TERB1: variants seen among roughly 807,000 people sequenced by gnomAD.
The protein encoded by TERB1 is telomere repeat binding bouquet formation protein 1.
TERB1 carries 63 observed loss-of-function variants against 92.3 expected under a neutral mutation model. The ratio of observed to expected loss-of-function variants is 0.68; its 90% CI spans 0.56 to 0.84. The LOEUF (loss-of-function observed/expected upper bound fraction) is 0.84, where lower values mean the gene tolerates loss of function less well. Among genes scored for constraint, TERB1 ranks in the 40% least tolerant of loss-of-function variants. The pLI is 0.00. For synonymous variants in TERB1, 252 were observed against 283.9 expected, an observed-to-expected ratio of 0.89 and a Z score of 1.13; for missense variants, 709 against 843.7, an observed-to-expected ratio of 0.84 and a Z score of 1.98.
intron 11 of TERB1, 120 bp downstream of exon 11, chr16:66,777,083 G>T: frequency 2.2e-6 from 2 of 929,908 alleles, no homozygotes; most frequent in Non-Finnish European, 3.1e-6. Flanking sequence ...TTTGAGGTCT[G>T]AATGACTAGG....
chr16:66,775,388 C>T (rs1343672664), intron 11 of TERB1, 145 bp from the exon 12 acceptor site: 2 of 657,572 alleles, frequency 3.0e-6, no homozygotes, highest in East Asian at 3.0e-5. Context: ...AATCCCAGCA[C>T]TTTGGGAGGC....
At position 66,788,200 on chromosome 16, in the gene TERB1, AAC is replaced by A. The variant is rs1483353843; in HGVS notation, c.367_368del (p.Val123LeufsTer10). The A allele has an allele frequency of 1.0e-5, 15 of 1,501,254 alleles. No individual in the cohort carries two copies. Among genetic ancestry groups the A allele is most frequent in the Non-Finnish European group, 1.3e-5 (15 of 1,122,616 alleles). 93.0% of individuals were successfully genotyped at this position (1,501,254 alleles called of 1,614,324 possible). On this transcript the variant is annotated frameshift_variant, in exon 6 of 19. Coordinates refer to ENST00000433154, the MANE Select transcript of TERB1 (RefSeq NM_001136505.2). LOFTEE classifies it high-confidence loss of function. ...DSNINLKRMS[V>X]YVILVLVSNN... ...TTGAAACCAGAACCAAAATAACATA[AAC>A]AGACATTCTTTTCAAATTTATGTTT...
intron 12 of TERB1, among the ~76,000 whole-genome samples, chr16:66,773,309 T>G (rs9929734): frequency 0.51 from 76,978 of 151,986 alleles, 20,375 homozygotes; most frequent in African/African-American, 0.64. Context: ...ACTCCAGCCC[T>G]GGCGACAGAG....
At chr16:66,780,622 T>C (rs1033084155) in intron 9 of TERB1, among the ~76,000 whole-genome samples, 4 of 151,682 alleles carry the variant, frequency 2.6e-5, no homozygotes, top group African/African-American at 9.7e-5. Flanking sequence ...TGGCAGTGTG[T>C]TACCACAGAT....
Position 66,777,083 on chromosome 16 carries a change from G to A in TERB1, c.985+120C>T, listed in dbSNP as rs1015097559. 1.6e-5 allele frequency: 15 copies of A among 929,790 alleles called. No individual in the cohort carries two copies. The African/African-American group carries it at 2.3e-4, about 14-fold the overall frequency. The allele number at this position is 929,790 out of a possible 1,614,324, so 57.6% of individuals were successfully genotyped here. A position where few individuals can be genotyped will look rare whatever the true frequency, so the allele number is the denominator to read the frequency against. On this transcript the variant is annotated intron_variant, in intron 11 of 18. Transcript: ENST00000433154. ...AGCTGAAATGACTAGTTTGAGGTCT[G>A]AATGACTAGGAGAAAAGCAATACTT... is the stretch of plus-strand genomic sequence containing the variant.
intron 16 of TERB1, among the ~76,000 whole-genome samples, chr16:66,766,151 G>A (rs1368669838): frequency 6.6e-6 from 1 of 151,920 alleles, no homozygotes; most frequent in African/African-American, 2.4e-5. Context: ...GATTACAGGC[G>A]TGAGCCACCG....
At chr16:66,757,832 T>C (rs528467309) in intron 18 of TERB1, among the ~76,000 whole-genome samples, 1 of 152,346 alleles carries the variant, frequency 6.6e-6, no homozygotes, top group East Asian at 1.9e-4. Context: ...AAGTTTCTGA[T>C]ACATCGGAAA....
At position 66,762,234 on chromosome 16, in the gene TERB1, T is replaced by A. The variant is rs1172605146; in HGVS notation, c.1781-2944A>T. Among the ~76,000 whole-genome samples the A allele has an allele frequency of 2.0e-5, 3 of 152,220 alleles. No individual in the cohort carries two copies. The East Asian group carries it at 5.8e-4, about 29-fold the overall frequency. On this transcript the variant is annotated intron_variant, in intron 16 of 18. Coordinates refer to ENST00000433154, the MANE Select transcript of TERB1 (RefSeq NM_001136505.2). ...TCACCCAGCTTCAATAATTATTAAC[T>A]CATGGCTAATCATGTTTTATTTATA...
chr16:66,795,698 T>C (rs1038535951), intron 3 of TERB1, among the ~76,000 whole-genome samples: 6 of 152,208 alleles, frequency 3.9e-5, no homozygotes, highest in African/African-American at 1.4e-4. Flanking sequence ...AGAAATTCTG[T>C]CTTTTATAAC....
chr16:66,766,968 T>C (rs890346245), intron 16 of TERB1, among the ~76,000 whole-genome samples: 1 of 152,168 alleles, frequency 6.6e-6, no homozygotes, highest in African/African-American at 2.4e-5. Flanking sequence ...TTGAATGCTT[T>C]GATATTCCAC....
At chr16:66,760,229 G>A (rs1179109445) in intron 16 of TERB1, among the ~76,000 whole-genome samples, 1 of 140,518 alleles carries the variant, frequency 7.1e-6, no homozygotes, top group Non-Finnish European at 1.5e-5. Context: ...GGGAGGCTGA[G>A]GCGGGCTGAT....
intron 10 of TERB1, among the ~76,000 whole-genome samples, chr16:66,778,166 T>C (rs1481790528): frequency 6.6e-6 from 1 of 152,264 alleles, no homozygotes; most frequent in African/African-American, 2.4e-5. Context: ...TGGGTAAATC[T>C]GACCTCATAC....
intron 3 of TERB1, among the ~76,000 whole-genome samples, chr16:66,795,193 T>C (rs1369201724): frequency 6.6e-6 from 1 of 152,112 alleles, no homozygotes; most frequent in African/African-American, 2.4e-5. Context: ...TGCCAATAAG[T>C]ATATGAAAAG....
rs2018825191 is a variant in TERB1, at chr16:66,791,020, C to G, written c.32-1G>C. On this transcript the variant is annotated splice_acceptor_variant, in intron 3 of 18. Transcript: ENST00000433154. LOFTEE classifies it high-confidence loss of function. ...AATAAGTTCAGGTCAGTCTTCATTT[C>G]TAAAGAACAAAAATGTCATTATTTT... 1 of 1,476,086 alleles carries G rather than the reference C, an allele frequency of 6.8e-7. No individual in the cohort carries two copies. Among genetic ancestry groups the G allele is most frequent in the South Asian group, 1.3e-5 (1 of 77,080 alleles). 91.4% of individuals were successfully genotyped at this position (1,476,086 alleles called of 1,614,324 possible). A position where few individuals can be genotyped will look rare whatever the true frequency, so the allele number is the denominator to read the frequency against.
intron 2 of TERB1, among the ~76,000 whole-genome samples, chr16:66,800,392 GTTTT>G (rs537071270): frequency 3.2e-5 from 3 of 92,860 alleles, no homozygotes; most frequent in African/African-American, 6.7e-5. Context: ...AATAAAGAAA[GTTTT>G]TTTTTTTTTT....
At chr16:66,780,970 C>A (rs897494296) in intron 9 of TERB1, among the ~76,000 whole-genome samples, 3,833 of 151,612 alleles carry the variant, frequency 0.025, 167 homozygotes, top group African/African-American at 0.089. Context: ...AACATGACCA[C>A]TTTTTAACAT....
chr16:66,777,729 T>G (rs1214620887), intron 10 of TERB1, among the ~76,000 whole-genome samples: 1 of 152,202 alleles, frequency 6.6e-6, no homozygotes. Flanking sequence ...GTAAAGACTT[T>G]CCTACATAAT....
chr16:66,767,567 T>C, intron 15 of TERB1, 57 bp from the exon 16 acceptor site: 1 of 800,472 alleles, frequency 1.2e-6, no homozygotes, highest in Non-Finnish European at 2.0e-6. Context: ...TCAGATATTT[T>C]CAGGATTTAT....
chr16:66,762,286 C>T (rs553804082), intron 16 of TERB1, among the ~76,000 whole-genome samples: 3 of 152,308 alleles, frequency 2.0e-5, no homozygotes, highest in Non-Finnish European at 2.9e-5. Context: ...TCTGTCCCCA[C>T]GTATGCACTG....
Sources: gnomAD v4.1 joint callset for allele counts (sites outside exome capture counted in the v4.1 genomes callset) on GRCh38, gnomAD v4.1.1 for gene constraint, MANE v1.5 for transcripts, NCBI Gene and HGNC (gene_info 2026-07-23, HGNC 2026-07-21) for gene names.